The following STAU2 variants were observed in gnomAD, a reference collection of about 807,000 sequenced individuals.
The protein encoded by STAU2 is double-stranded RNA-binding protein Staufen homolog 2.
Under a neutral mutation model 65.9 loss-of-function variants are expected in STAU2, and 20 were observed. The observed-to-expected ratio is 0.30, with a 90% CI of 0.21 to 0.44. The LOEUF is 0.44. Among genes scored for constraint, STAU2 ranks in the 20% least tolerant of loss-of-function variants. The pLI is 1.00. For synonymous variants in STAU2, 232 were observed against 233.9 expected, an observed-to-expected ratio of 0.99 and a Z score of 0.07; for missense variants, 558 against 683.9, an observed-to-expected ratio of 0.82 and a Z score of 2.05.
chr8:73,646,382 G>C (rs1377084868), intron 6 of STAU2, among the ~76,000 whole-genome samples: 1 of 152,176 alleles, frequency 6.6e-6, no homozygotes, highest in Non-Finnish European at 1.5e-5. Flanking sequence ...CAGAGACACA[G>C]AGTTCAACAG....
At chr8:73,690,860 AAT>A (rs1173278293) in intron 4 of STAU2, among the ~76,000 whole-genome samples, 1 of 152,184 alleles carries the variant, frequency 6.6e-6, no homozygotes, top group Non-Finnish European at 1.5e-5. Flanking sequence ...TTCAGTTTAA[AAT>A]ATATACCTAA....
chr8:73,601,515 G>C (rs1281567454), intron 10 of STAU2, among the ~76,000 whole-genome samples: 1 of 152,048 alleles, frequency 6.6e-6, no homozygotes, highest in Non-Finnish European at 1.5e-5. Context: ...AGATAAAAAT[G>C]AGCATCTCAT....
chr8:73,740,023 A>G (rs1163074933), intron 1 of STAU2, among the ~76,000 whole-genome samples, 155 bp from the exon 2 acceptor site: 3 of 152,216 alleles, frequency 2.0e-5, no homozygotes, highest in Non-Finnish European at 4.4e-5. Flanking sequence ...CAAAGAACTG[A>G]GAAAAGCCTC....
intron 13 of STAU2, among the ~76,000 whole-genome samples, chr8:73,542,048 A>G (rs977931235): frequency 6.6e-6 from 1 of 150,724 alleles, no homozygotes; most frequent in African/African-American, 2.4e-5. Flanking sequence ...CATTCCAAAA[A>G]TGGTTAATAA....
chr8:73,724,418 G>C (rs1805478691), intron 3 of STAU2, among the ~76,000 whole-genome samples: 1 of 151,982 alleles, frequency 6.6e-6, no homozygotes, highest in African/African-American at 2.4e-5. Flanking sequence ...TTCACCTTAT[G>C]ATTCAACTTT....
chr8:73,664,503 G>A (rs1817085836), intron 6 of STAU2, among the ~76,000 whole-genome samples: 1 of 152,170 alleles, frequency 6.6e-6, no homozygotes, highest in African/African-American at 2.4e-5. Flanking sequence ...TATCATTAGT[G>A]AGCGCTGACT....
chr8:73,687,250 AT>A (rs1563506465), intron 5 of STAU2, among the ~76,000 whole-genome samples: 11 of 66,726 alleles, frequency 1.6e-4, no homozygotes, highest in African/African-American at 5.7e-4. Context: ...TTAAATATAA[AT>A]TAATTTATAT....
At chr8:73,483,743 A>G (rs1220906729) in intron 13 of STAU2, among the ~76,000 whole-genome samples, 1 of 152,180 alleles carries the variant, frequency 6.6e-6, no homozygotes, top group Non-Finnish European at 1.5e-5. Flanking sequence ...TATCACTGAA[A>G]TAATGAGCAG....
intron 9 of STAU2, among the ~76,000 whole-genome samples, chr8:73,607,561 C>A (rs1812115839): frequency 1.3e-5 from 2 of 151,640 alleles, no homozygotes; most frequent in South Asian, 4.2e-4. Context: ...GAAACCCCAT[C>A]TCTACTAAAA....
chr8:73,437,506 G>C (rs2004254), intron 13 of STAU2, among the ~76,000 whole-genome samples: 57,285 of 152,030 alleles, frequency 0.38, 11,885 homozygotes, highest in Admixed American at 0.52. Flanking sequence ...GAACTCAGCC[G>C]TGGGGACACC....
intron 13 of STAU2, among the ~76,000 whole-genome samples, chr8:73,548,394 C>G (rs117186306): frequency 6.6e-5 from 10 of 152,144 alleles, no homozygotes; most frequent in South Asian, 6.2e-4. Flanking sequence ...ACCACCCCCC[C>G]ACTTCCACCA....
intron 6 of STAU2, among the ~76,000 whole-genome samples, chr8:73,656,451 C>CAA (rs1317379193): frequency 2.0e-5 from 3 of 152,246 alleles, no homozygotes; most frequent in Non-Finnish European, 2.9e-5. Context: ...GGATGCATTA[C>CAA]ACATTTGCTA....
intron 12 of STAU2, among the ~76,000 whole-genome samples, chr8:73,566,040 T>C (rs1808579176): frequency 6.6e-6 from 1 of 152,228 alleles, no homozygotes; most frequent in Non-Finnish European, 1.5e-5. Context: ...AATAGTACAT[T>C]GGTAAATGCA....
At chr8:73,574,464 T>A (rs1809357979) in intron 12 of STAU2, among the ~76,000 whole-genome samples, 1 of 152,208 alleles carries the variant, frequency 6.6e-6, no homozygotes. Flanking sequence ...CATGTATGCT[T>A]ATTGCAGCAC....
intron 3 of STAU2, among the ~76,000 whole-genome samples, chr8:73,729,108 T>C (rs1805859527): frequency 6.6e-6 from 1 of 152,186 alleles, no homozygotes; most frequent in Non-Finnish European, 1.5e-5. Flanking sequence ...TTCCCTACTA[T>C]TCCTGATTTT....
intron 6 of STAU2, among the ~76,000 whole-genome samples, chr8:73,635,449 G>C (rs1814419363): frequency 1.3e-5 from 2 of 152,068 alleles, no homozygotes; most frequent in African/African-American, 4.8e-5. Context: ...AATGCCACTG[G>C]AAAATAGTCA....
At chr8:73,429,331 G>T (rs1451087414) in intron 13 of STAU2, among the ~76,000 whole-genome samples, 4 of 141,476 alleles carry the variant, frequency 2.8e-5, no homozygotes, top group Admixed American at 2.2e-4. Flanking sequence ...GAGGCTCAGA[G>T]AATTCAGTAA....
chr8:73,647,026 T>C (rs76228199), intron 6 of STAU2, among the ~76,000 whole-genome samples: 187 of 143,700 alleles, frequency 1.3e-3, no homozygotes, highest in African/African-American at 4.7e-3. Context: ...ATTAAAGCCA[T>C]AATGATATAT....
intron 9 of STAU2, among the ~76,000 whole-genome samples, chr8:73,610,564 C>T (rs971570306): frequency 6.8e-6 from 1 of 146,668 alleles, no homozygotes; most frequent in African/African-American, 2.5e-5. Context: ...AAAAAGGCAG[C>T]GGGGGAGGGG....
Sources: gnomAD v4.1 joint callset for allele counts (sites outside exome capture counted in the v4.1 genomes callset) on GRCh38, gnomAD v4.1.1 for gene constraint, MANE v1.5 for transcripts, NCBI Gene and HGNC (gene_info 2026-07-23, HGNC 2026-07-21) for gene names.